Variants in WDR62 observed in about 807,000 individuals in gnomAD.
WDR62 encodes WD repeat-containing protein 62.
A neutral mutation model predicts 160.6 loss-of-function variants in WDR62; 112 were observed. The ratio of observed to expected loss-of-function variants is 0.70; its 90% CI spans 0.60 to 0.82. The LOEUF (loss-of-function observed/expected upper bound fraction) is 0.82, where lower values mean the gene tolerates loss of function less well. Ranked by LOEUF, WDR62 falls within the 40% of genes least tolerant of loss-of-function variation. WDR62 has a pLI of 0.00. For missense variants in WDR62, 1,819 were observed against 1,983.8 expected (o/e 0.92, Z 1.58); for synonymous variants, 792 against 815.1 (o/e 0.97, Z 0.48).
chr19:36,063,398 G>A (rs1342040458), intron 3 of WDR62, among the ~76,000 whole-genome samples: 3 of 151,988 alleles, frequency 2.0e-5, no homozygotes, highest in African/African-American at 4.8e-5. Flanking sequence ...ACAGGCATGC[G>A]CCACCGTGCC....
chr19:36,089,440 T>C, intron 15 of WDR62, 134 bp downstream of exon 15: 2 of 1,467,126 alleles, frequency 1.4e-6, no homozygotes, highest in Admixed American at 3.7e-5. Context: ...CCTTCTTGGT[T>C]TTTTTTTGTT....
chr19:36,108,232 A>G (rs1568376980), downstream of WDR62, among the ~76,000 whole-genome samples: 2 of 152,110 alleles, frequency 1.3e-5, no homozygotes, highest in Non-Finnish European at 2.9e-5. Context: ...GCCAGAGTGC[A>G]TAGAAGCCCA....
At position 36,091,247 on chromosome 19, in the gene WDR62, CA is replaced by C. The variant is rs863223322; in HGVS notation, c.2086del (p.Ser696AlafsTer4). ...CCTTCCTGGCCACCAGCTGCTCTGA[CA>C]AAAGCATCTCAGTGATTGACTTTTA... is the stretch of plus-strand genomic sequence containing the variant. ...GTFLATSCSD[K>X]SISVIDFYSG... On this transcript the variant is annotated frameshift_variant, in exon 17 of 32. Transcript: ENST00000401500. LOFTEE classifies it high-confidence loss of function. 1.5e-5 allele frequency: 24 copies of C among 1,613,334 alleles called. No homozygotes were observed. The highest frequency in any genetic ancestry group is 1.9e-5 in the Non-Finnish European group (23 of 1,180,050).
chr19:36,101,122 C>T (rs554526978), intron 23 of WDR62, 92 bp from the exon 24 acceptor site: 25 of 1,272,104 alleles, frequency 2.0e-5, no homozygotes, highest in Middle Eastern at 2.0e-4. Context: ...GCAGGAGCAG[C>T]GGGTACAGGT....
At position 36,100,785 on chromosome 19, in the gene WDR62, C is replaced by T. The variant is rs1478077525; in HGVS notation, c.2777C>T (p.Ser926Phe). The change falls in exon 23 of 32, where the codon TCC becomes TTC. Residue 926 changes from serine to phenylalanine, a missense_variant. Coordinates refer to ENST00000401500, the MANE Select transcript of WDR62 (RefSeq NM_001083961.2). Reference protein sequence around the residue: ...SPQEAGRGHPSFLPQQKESSE... With the variant: ...SPQEAGRGHPFFLPQQKESSE... ...CAGGAAGCTGGCCGCGGGCACCCCTCCTTCCTGCCCCAGCAGAAGGAATCA... is the reference window on the plus strand; with the variant it reads ...CAGGAAGCTGGCCGCGGGCACCCCTTCTTCCTGCCCCAGCAGAAGGAATCA... 6.2e-7 allele frequency: 1 copy of T among 1,614,106 alleles called. No homozygotes were observed. The highest frequency in any genetic ancestry group is 8.5e-7 in the Non-Finnish European group (1 of 1,180,028).
intron 21 of WDR62, 71 bp downstream of exon 21, chr19:36,097,150 G>A: frequency 1.3e-6 from 2 of 1,491,612 alleles, no homozygotes; most frequent in Non-Finnish European, 1.9e-6. Flanking sequence ...CCTTCTGGAA[G>A]CCCTTTTTCC....
At chr19:36,058,486 A>G (rs1970478343) in intron 1 of WDR62, among the ~76,000 whole-genome samples, 1 of 152,174 alleles carries the variant, frequency 6.6e-6, no homozygotes, top group Admixed American at 6.5e-5. Context: ...CTTGGCATCT[A>G]TTTCACATAT....
chr19:36,083,161 C>G lies in WDR62; in HGVS notation c.1470C>G (p.Asp490Glu), dbSNP rs45567532. ...DRGSENGTPM[D>E]VKAGVRVMQV... Reference sequence around the variant, plus strand: ...GGAGCGAGAATGGGACACCCATGGACGTGAAAGCCGGGGTGCGGGTCATGC... The same window carrying G: ...GGAGCGAGAATGGGACACCCATGGAGGTGAAAGCCGGGGTGCGGGTCATGC... The change falls in exon 11 of 32, where the codon GAC (aspartate) becomes GAG (glutamate). Residue 490 changes from aspartate to glutamate, a missense_variant. This residue lies in a region of WDR62 where 934 missense variants were observed against 1,157.2 expected (regional missense o/e 0.81). Transcript: ENST00000401500. 6.2e-7 allele frequency: 1 copy of G among 1,612,328 alleles called. No homozygotes were observed. The highest frequency in any genetic ancestry group is 8.5e-7 in the Non-Finnish European group (1 of 1,179,156).
At chr19:36,065,937 A>T (rs755710162) in intron 3 of WDR62, 21 bp from the exon 4 acceptor site, 16 of 1,613,446 alleles carry the variant, frequency 9.9e-6, no homozygotes, top group Non-Finnish European at 1.3e-5. Context: ...ACCAGTGATC[A>T]GCTCTTTTCT....
At chr19:36,086,311 A>G (rs2145743985) in intron 12 of WDR62, among the ~76,000 whole-genome samples, 1 of 152,228 alleles carries the variant, frequency 6.6e-6, no homozygotes, top group South Asian at 2.1e-4. Context: ...CAGACCTCAG[A>G]GGGTGAGAGG....
intron 3 of WDR62, among the ~76,000 whole-genome samples, chr19:36,063,313 G>A (rs566462795): frequency 3.6e-4 from 54 of 151,928 alleles, no homozygotes; most frequent in South Asian, 8.3e-4. Flanking sequence ...GCAGTGGGGC[G>A]ATCTTGGCTC....
chr19:36,055,345 C>T (rs2145487402), intron 1 of WDR62, among the ~76,000 whole-genome samples, 197 bp downstream of exon 1: 1 of 152,288 alleles, frequency 6.6e-6, no homozygotes, highest in South Asian at 2.1e-4. Context: ...CCGGCTCCAC[C>T]CTCAGCGTTG....
chr19:36,060,101 C>T (rs1434163394), intron 3 of WDR62, 71 bp downstream of exon 3: 1 of 1,452,540 alleles, frequency 6.9e-7, no homozygotes, highest in African/African-American at 1.4e-5. Flanking sequence ...CCCTACACAG[C>T]CTGGAGATAC....
chr19:36,063,092 A>C, intron 3 of WDR62, among the ~76,000 whole-genome samples: 1 of 151,386 alleles, frequency 6.6e-6, no homozygotes, highest in South Asian at 2.1e-4. Flanking sequence ...TTACAGGCAT[A>C]TGCCACCATG....
chr19:36,105,878 T>C (rs112738132), downstream of WDR62, among the ~76,000 whole-genome samples: 2,735 of 151,302 alleles, frequency 0.018, 28 homozygotes, highest in Middle Eastern at 0.048. Context: ...TTTGTATTTT[T>C]AGTAGAGACG....
rs764610550 is a variant in WDR62, at chr19:36,090,470, CAGA to C, written c.1990_1992del (p.Lys664del). ...AGTCTACAACACTGTGAACGGGAAGCAGAAGAAGTGCTACAAGGGCTCCCAGGG... is the reference window on the plus strand; with the variant it reads ...AGTCTACAACACTGTGAACGGGAAGCAGAAGTGCTACAAGGGCTCCCAGGG... On this transcript the variant is annotated inframe_deletion, in exon 16 of 32. Coordinates refer to ENST00000401500, the MANE Select transcript of WDR62 (RefSeq NM_001083961.2). The C allele has an allele frequency of 4.5e-5, 72 of 1,614,004 alleles. No individual in the cohort carries two copies. The highest frequency in any genetic ancestry group is 5.7e-5 in the Non-Finnish European group (67 of 1,180,012).
intron 21 of WDR62, among the ~76,000 whole-genome samples, chr19:36,099,188 C>CTCCA (rs1044197679): frequency 1.5e-5 from 2 of 137,028 alleles, no homozygotes; most frequent in African/African-American, 5.5e-5. Flanking sequence ...CGCCACTGCA[C>CTCCA]TCCAGCCTGG....
intron 12 of WDR62, among the ~76,000 whole-genome samples, chr19:36,085,505 C>T (rs112075926): frequency 3.9e-4 from 57 of 147,806 alleles, no homozygotes; most frequent in Non-Finnish European, 7.4e-4. Context: ...ACTGCAACTT[C>T]CGCCTCCCAG....
intron 9 of WDR62, 44 bp from the exon 10 acceptor site, chr19:36,081,389 G>A (rs1351727466): frequency 6.2e-7 from 1 of 1,611,122 alleles, no homozygotes; most frequent in South Asian, 1.1e-5. Context: ...AAGTCATAGT[G>A]CTGTCATTGA....
Sources: allele counts gnomAD v4.1 joint callset (sites outside exome capture counted in the v4.1 genomes callset), GRCh38; gene constraint gnomAD v4.1.1; regional missense constraint gnomAD v4.1.1; transcripts MANE v1.5; gene names NCBI Gene and HGNC (gene_info 2026-07-23, HGNC 2026-07-21).